Variants in PPIG observed in about 807,000 individuals in gnomAD.
PPIG encodes the protein peptidyl-prolyl cis-trans isomerase G.
In PPIG, 26 loss-of-function variants were observed where a neutral mutation model predicts 87.9. The observed-to-expected ratio is 0.30, with a 90% CI of 0.22 to 0.41. PPIG has a LOEUF of 0.41. Ranked by LOEUF, PPIG falls within the 10% of genes least tolerant of loss-of-function variation. The pLI is 1.00. For missense variants in PPIG, 722 were observed against 879.4 expected (o/e 0.82, Z 2.26); for synonymous variants, 308 against 276.5 (o/e 1.11, Z -1.13).
At position 169,584,383 on chromosome 2, in the gene PPIG, G is replaced by C. The variant is rs965775113; in HGVS notation, c.-177G>C. ...TGTCTCTCCATGCCAGGACTGAGTT[G>C]TGGGGGAGGGAGGCGGTTAGCGGGC... On this transcript the variant is annotated 5_prime_UTR_variant, in exon 1 of 14. Coordinates refer to ENST00000260970, the MANE Select transcript of PPIG (RefSeq NM_004792.3). 2.1e-6 allele frequency: 1 copy of C among 471,084 alleles called. No individual in the cohort carries two copies. The highest frequency in any genetic ancestry group is 2.0e-5 in the African/African-American group (1 of 50,092). The allele number at this position is 471,084 out of a possible 1,614,324, so 29.2% of individuals were successfully genotyped here.
rs115150983 is a variant in PPIG at position 169,636,123 on chromosome 2, G to A, written c.1049G>A (p.Arg350Lys). 6.7e-5 allele frequency: 107 copies of A among 1,606,260 alleles called. No homozygotes were observed. The highest frequency in any genetic ancestry group is 2.1e-4 in the Admixed American group (12 of 57,734). The change falls in exon 13 of 14, where the codon AGG becomes AAG. Residue 350 changes from arginine (R) to lysine (K), a missense_variant. Around this residue, in one of 4 missense-constraint regions of PPIG, gnomAD observed 476 missense variants for 483.1 expected, o/e 0.99. Coordinates refer to ENST00000260970, the MANE Select transcript of PPIG (RefSeq NM_004792.3). ...RYRTPSRSRS[R>K]DRFRRSETPP... is the part of the protein sequence containing the mutation. ...CGAACTCCTTCCAGATCCAGATCAA[G>A]GGATCGTTTCAGACGTAGTGAGACT...
chr2:169,586,417 C>G (rs1684706890), intron 1 of PPIG, among the ~76,000 whole-genome samples: 1 of 152,200 alleles, frequency 6.6e-6, no homozygotes, highest in Admixed American at 6.5e-5. Flanking sequence ...TCTCCACCTT[C>G]CATCAACTGT....
At chr2:169,605,907 A>C in intron 4 of PPIG, 132 bp from the exon 5 acceptor site, 2 of 646,406 alleles carry the variant, frequency 3.1e-6, no homozygotes, top group Non-Finnish European at 5.4e-6. Flanking sequence ...TTTTTAAAAA[A>C]AAATTCCTGA....
At chr2:169,594,111 T>C (rs1045974915) in intron 1 of PPIG, among the ~76,000 whole-genome samples, 2 of 152,170 alleles carry the variant, frequency 1.3e-5, no homozygotes, top group Non-Finnish European at 2.9e-5. Context: ...TAGCCAACTT[T>C]ATACCTGAAG....
intron 7 of PPIG, 47 bp from the exon 8 acceptor site, chr2:169,614,415 GTT>G: frequency 6.8e-7 from 1 of 1,466,378 alleles, no homozygotes; most frequent in Non-Finnish European, 9.3e-7. Context: ...TGCTAACTTT[GTT>G]TTTCTCTGAC....
intron 2 of PPIG, 21 bp from the exon 3 acceptor site, chr2:169,604,005 G>A: frequency 6.3e-7 from 1 of 1,591,256 alleles, no homozygotes; most frequent in Non-Finnish European, 8.6e-7. Context: ...CTGCTTGTCT[G>A]AAACTGTATT....
intron 7 of PPIG, among the ~76,000 whole-genome samples, chr2:169,613,395 G>T (rs188001237): frequency 6.6e-6 from 1 of 151,300 alleles, no homozygotes; most frequent in East Asian, 1.9e-4. Flanking sequence ...TCCTTTTTTC[G>T]AATTTCTAAT....
chr2:169,631,002 T>C lies in PPIG; in HGVS notation c.761+15T>C. The C allele has an allele frequency of 6.4e-7, 1 of 1,551,456 alleles. No individual in the cohort carries two copies. The highest frequency in any genetic ancestry group is 1.2e-5 in the South Asian group (1 of 82,664). ...AGCAAGAAGAGGTCTTAATTTTACT[T>C]TTCTAATGCTAGCTTTATATTCTGA... On this transcript the variant is annotated intron_variant, in intron 10 of 13. Transcript: ENST00000260970.
chr2:169,632,005 T>C (rs889659308), intron 11 of PPIG, 72 bp downstream of exon 11: 3 of 1,338,188 alleles, frequency 2.2e-6, no homozygotes, highest in Non-Finnish European at 9.8e-7. Context: ...TTATTTATTT[T>C]AAACAAGATT....
intron 1 of PPIG, among the ~76,000 whole-genome samples, chr2:169,594,655 GTCTC>G (rs1684971036): frequency 7.8e-6 from 1 of 128,050 alleles, no homozygotes; most frequent in Non-Finnish European, 1.6e-5. Context: ...TTGAGACAGA[GTCTC>G]TGTCACCCAG....
intron 1 of PPIG, among the ~76,000 whole-genome samples, chr2:169,600,382 C>T (rs1685147284): frequency 6.6e-6 from 1 of 152,122 alleles, no homozygotes; most frequent in African/African-American, 2.4e-5. Flanking sequence ...GCCTCCTAAG[C>T]TCTTTACATG....
chr2:169,618,480 T>G (rs1685659638), intron 9 of PPIG, among the ~76,000 whole-genome samples: 1 of 152,192 alleles, frequency 6.6e-6, no homozygotes, highest in Non-Finnish European at 1.5e-5. Flanking sequence ...ATCCATCTGG[T>G]CCTGGGCTTT....
At position 169,638,520 on chromosome 2, in the gene PPIG, A is replaced by C. The variant is rs1379071272; in HGVS notation, c.*997A>C. 1 of 151,888 alleles carries C rather than the reference A, an allele frequency of 6.6e-6. No individual in the cohort carries two copies. The highest frequency in any genetic ancestry group is 1.5e-5 in the Non-Finnish European group (1 of 67,872). The allele number at this position is 151,888 out of a possible 1,614,324, so 9.4% of individuals were successfully genotyped here. ...GATTTTGTTTGTTTTAATTGAACTG[A>C]CTTCTCTAACTCTCATAGCTGTGAG... is the stretch of plus-strand genomic sequence containing the variant. On this transcript the variant is annotated 3_prime_UTR_variant, in exon 14 of 14. Transcript: ENST00000260970.
intron 9 of PPIG, among the ~76,000 whole-genome samples, chr2:169,624,670 C>T (rs751783139): frequency 7.2e-5 from 11 of 152,210 alleles, no homozygotes; most frequent in Non-Finnish European, 1.5e-4. Context: ...TCACTGCAAG[C>T]TCCACCTCCC....
chr2:169,592,000 C>T (rs1389624185), intron 1 of PPIG, among the ~76,000 whole-genome samples: 3 of 129,182 alleles, frequency 2.3e-5, no homozygotes, highest in Non-Finnish European at 3.1e-5. Flanking sequence ...GATGACTGCT[C>T]GCTGCAACCT....
intron 1 of PPIG, 123 bp downstream of exon 1, chr2:169,584,613 C>G (rs1684646656): frequency 2.3e-6 from 1 of 431,048 alleles, no homozygotes; most frequent in Non-Finnish European, 4.6e-6. Context: ...GGTTTACCGT[C>G]TTTCCCTCGA....
intron 9 of PPIG, among the ~76,000 whole-genome samples, chr2:169,617,896 T>C (rs1438833966): frequency 6.6e-6 from 1 of 152,212 alleles, no homozygotes; most frequent in African/African-American, 2.4e-5. Context: ...CTATGTTGAA[T>C]AGAAGAGGTG....
At chr2:169,606,331 C>T (rs562448197) in intron 5 of PPIG, among the ~76,000 whole-genome samples, 185 bp downstream of exon 5, 4 of 151,910 alleles carry the variant, frequency 2.6e-5, no homozygotes, top group Middle Eastern at 3.4e-3. Context: ...CGGTGGCTCA[C>T]GCCTGTAATC....
chr2:169,628,017 A>T (rs935025345), intron 9 of PPIG, among the ~76,000 whole-genome samples: 7 of 152,002 alleles, frequency 4.6e-5, no homozygotes, highest in African/African-American at 1.7e-4. Context: ...TTATTAGTTT[A>T]GCATATATAA....
Sources: gnomAD v4.1 joint callset for allele counts (sites outside exome capture counted in the v4.1 genomes callset) on GRCh38, gnomAD v4.1.1 for gene constraint, gnomAD v4.1.1 regional missense constraint, MANE v1.5 for transcripts, NCBI Gene and HGNC (gene_info 2026-07-23, HGNC 2026-07-21) for gene names.